The following SPTLC3 variants were observed in gnomAD, a reference collection of about 807,000 sequenced individuals.
The protein encoded by SPTLC3 is serine palmitoyltransferase long chain base subunit 3.
Under a neutral mutation model 59.3 loss-of-function variants are expected in SPTLC3, and 36 were observed. That is an observed-to-expected ratio of 0.61 (90% CI 0.47 to 0.80). The LOEUF (loss-of-function observed/expected upper bound fraction) is 0.80. Ranked by LOEUF, SPTLC3 falls within the 30% of genes least tolerant of loss-of-function variation. The probability of loss-of-function intolerance (pLI) is 0.00; values close to 1 mark genes in which losing one functional copy is unlikely to be tolerated. For missense variants in SPTLC3, 625 were observed against 685.1 expected (o/e 0.91, Z 0.98); for synonymous variants, 257 against 240.8 (o/e 1.07, Z -0.62).
intron 4 of SPTLC3, among the ~76,000 whole-genome samples, chr20:13,083,917 G>A (rs1365687949): frequency 1.3e-5 from 2 of 152,158 alleles, no homozygotes; most frequent in Admixed American, 6.5e-5. Flanking sequence ...TCTGTCCTAT[G>A]TTGGAGACTG....
At chr20:13,017,529 A>T (rs1985592420) in intron 1 of SPTLC3, among the ~76,000 whole-genome samples, 1 of 152,242 alleles carries the variant, frequency 6.6e-6, no homozygotes, top group African/African-American at 2.4e-5. Flanking sequence ...GCTTGTCGAC[A>T]TGTGGCCTGC....
chr20:13,162,497 G>C (rs1171988685), intron 11 of SPTLC3, among the ~76,000 whole-genome samples: 1 of 152,160 alleles, frequency 6.6e-6, no homozygotes. Flanking sequence ...GTACATGTAA[G>C]AGAAAATGGA....
At chr20:13,093,604 T>C (rs371240330) in intron 6 of SPTLC3, 27 bp downstream of exon 6, 3 of 1,591,484 alleles carry the variant, frequency 1.9e-6, no homozygotes, top group African/African-American at 2.7e-5. Context: ...TTTCTCAACA[T>C]GTACTGGATT....
At chr20:13,091,329 C>A (rs1319085315) in intron 5 of SPTLC3, 122 bp downstream of exon 5, 20 of 1,263,718 alleles carry the variant, frequency 1.6e-5, no homozygotes, top group Non-Finnish European at 2.0e-5. Flanking sequence ...AATCCTAGCA[C>A]TTTGGGAGCC....
chr20:13,161,753 G>C (rs2038899997), intron 11 of SPTLC3, among the ~76,000 whole-genome samples: 1 of 152,082 alleles, frequency 6.6e-6, no homozygotes, highest in Non-Finnish European at 1.5e-5. Flanking sequence ...GGAATGAAGG[G>C]AACAGAAATA....
At chr20:13,025,330 T>C (rs1986090437) in intron 1 of SPTLC3, among the ~76,000 whole-genome samples, 1 of 152,182 alleles carries the variant, frequency 6.6e-6, no homozygotes, top group South Asian at 2.1e-4. Context: ...TAATATCACG[T>C]AACCTCACCC....
chr20:13,014,072 G>A lies in SPTLC3; in HGVS notation c.117+4688G>A, dbSNP rs182342784. On this transcript the variant is annotated intron_variant, in intron 1 of 11. Coordinates refer to ENST00000399002, the MANE Select transcript of SPTLC3 (RefSeq NM_018327.4). ...TACAGGATGACTGGCTTCTAAGAGAGTAAAAATAGAAACTACAAGACCTCT... is the reference window on the plus strand; with the variant it reads ...TACAGGATGACTGGCTTCTAAGAGAATAAAAATAGAAACTACAAGACCTCT... Among the ~76,000 whole-genome samples, 122 of 152,318 alleles carry A rather than the reference G, an allele frequency of 8.0e-4. 1 individual carries two copies. The highest frequency in any genetic ancestry group is 2.8e-3 in the African/African-American group (116 of 41,568).
intron 2 of SPTLC3, among the ~76,000 whole-genome samples, chr20:13,056,230 G>T (rs944327890): frequency 6.6e-6 from 1 of 152,078 alleles, no homozygotes; most frequent in African/African-American, 2.4e-5. Context: ...CAAAATAAAT[G>T]GTTTCCATCC....
intron 1 of SPTLC3, among the ~76,000 whole-genome samples, chr20:13,041,222 G>C (rs1986966946): frequency 6.6e-6 from 1 of 151,622 alleles, no homozygotes; most frequent in South Asian, 2.1e-4. Context: ...GTATATGTTG[G>C]TGTACTCAAC....
At chr20:13,092,701 T>A (rs149057577) in intron 5 of SPTLC3, among the ~76,000 whole-genome samples, 280 of 152,216 alleles carry the variant, frequency 1.8e-3, no homozygotes, top group African/African-American at 6.4e-3. Context: ...TATATGGGAA[T>A]TTTTGTGGCT....
At chr20:13,089,328 C>G (rs972843352) in intron 4 of SPTLC3, among the ~76,000 whole-genome samples, 6 of 152,136 alleles carry the variant, frequency 3.9e-5, no homozygotes, top group African/African-American at 1.4e-4. Context: ...TTATATCATT[C>G]AGAAAGCACT....
intron 4 of SPTLC3, among the ~76,000 whole-genome samples, chr20:13,085,064 C>T (rs4289254): frequency 6.6e-6 from 1 of 151,878 alleles, no homozygotes; most frequent in African/African-American, 2.4e-5. Flanking sequence ...TTTGTGGTTT[C>T]TTTAAAATGA....
chr20:13,167,572 A>G lies in SPTLC3; in HGVS notation c.*2705A>G, dbSNP rs2038999607. 6.6e-6 allele frequency: 1 copy of G among 152,228 alleles called. No individual in the cohort carries two copies. The allele number at this position is 152,228 out of a possible 1,614,324, so 9.4% of individuals were successfully genotyped here. On this transcript the variant is annotated 3_prime_UTR_variant, in exon 12 of 12. Transcript: ENST00000399002. The stretch of plus-strand genomic sequence containing the variant: ...TTGAAAATGACCTCAGGAAAGCAGA[A>G]GATAAAGGTTCCAGATGATATTTGT...
intron 9 of SPTLC3, among the ~76,000 whole-genome samples, chr20:13,133,691 G>A (rs2122840164): frequency 6.6e-6 from 1 of 152,216 alleles, no homozygotes; most frequent in African/African-American, 2.4e-5. Context: ...CTGAGTTAAG[G>A]GGTAGCACCA....
chr20:13,048,894 T>A, intron 1 of SPTLC3, 51 bp from the exon 2 acceptor site: 1 of 1,470,328 alleles, frequency 6.8e-7, no homozygotes, highest in Non-Finnish European at 9.1e-7. Context: ...GGTATCATAG[T>A]ATATCTGTAA....
intron 8 of SPTLC3, among the ~76,000 whole-genome samples, chr20:13,125,813 C>T (rs2037975621): frequency 6.6e-6 from 1 of 152,172 alleles, no homozygotes; most frequent in Non-Finnish European, 1.5e-5. Context: ...ATCACCTCTG[C>T]CATATATTAC....
intron 8 of SPTLC3, among the ~76,000 whole-genome samples, chr20:13,119,579 T>G (rs1232463497): frequency 6.6e-6 from 1 of 152,240 alleles, no homozygotes. Context: ...GCTCATTTTA[T>G]GCATATTTGG....
chr20:13,034,818 G>T lies in SPTLC3; in HGVS notation c.118-14127G>T, dbSNP rs372897427. ...AAAAAAAATGCTGTTATAGATGATG[G>T]TTGGATGTTAGAGCTAGAGAAAGAG... On this transcript the variant is annotated intron_variant, in intron 1 of 11. Transcript: ENST00000399002. Among the ~76,000 whole-genome samples the T allele has an allele frequency of 5.1e-4, 77 of 152,248 alleles. No homozygotes were observed. The East Asian group carries it at 9.5e-3, about 19-fold the overall frequency.
intron 6 of SPTLC3, among the ~76,000 whole-genome samples, chr20:13,105,742 T>G (rs931217753): frequency 2.6e-5 from 4 of 152,350 alleles, no homozygotes; most frequent in African/African-American, 9.6e-5. Flanking sequence ...GCACAAAAAC[T>G]TATAAATTCC....
Sources: allele counts gnomAD v4.1 joint callset (sites outside exome capture counted in the v4.1 genomes callset), GRCh38; gene constraint gnomAD v4.1.1; transcripts MANE v1.5; gene names NCBI Gene and HGNC (gene_info 2026-07-23, HGNC 2026-07-21).